SPATS2L: variants seen among roughly 807,000 people sequenced by gnomAD.
The protein encoded by SPATS2L is SPATS2-like protein.
In SPATS2L, 30 loss-of-function variants were observed where a neutral mutation model predicts 59.6. The observed-to-expected ratio is 0.50, with a 90% confidence interval of 0.38 to 0.68. The LOEUF (loss-of-function observed/expected upper bound fraction) is 0.68. SPATS2L is among the 30% of genes least tolerant of loss of function. SPATS2L has a pLI of 0.00. For synonymous variants in SPATS2L, 252 were observed against 263.5 expected, an observed-to-expected ratio of 0.96 and a Z score of 0.42; for missense variants, 615 against 700.0, an observed-to-expected ratio of 0.88 and a Z score of 1.37.
At chr2:200,362,723 C>T (rs1258966485) in intron 2 of SPATS2L, among the ~76,000 whole-genome samples, 1 of 152,086 alleles carries the variant, frequency 6.6e-6, no homozygotes, top group Non-Finnish European at 1.5e-5. Context: ...CTTTGTAGCG[C>T]CAGCCTAGCA....
At chr2:200,457,404 A>C (rs1003084683) in intron 8 of SPATS2L, among the ~76,000 whole-genome samples, 20 of 152,232 alleles carry the variant, frequency 1.3e-4, no homozygotes, top group African/African-American at 4.8e-4. Flanking sequence ...TGGAAATGCA[A>C]GAACTTGTCA....
At chr2:200,471,546 C>G (rs761056651) in intron 11 of SPATS2L, among the ~76,000 whole-genome samples, 2 of 152,250 alleles carry the variant, frequency 1.3e-5, no homozygotes, top group Admixed American at 6.5e-5. Context: ...AGACAGACAC[C>G]GTAATCATCC....
chr2:200,389,278 G>A lies in SPATS2L; in HGVS notation c.34G>A (p.Glu12Lys). 6.3e-7 allele frequency: 1 copy of A among 1,579,988 alleles called. No individual in the cohort carries two copies. Among genetic ancestry groups the A allele is most frequent in the Non-Finnish European group, 8.6e-7 (1 of 1,160,266 alleles). The change falls in exon 3 of 13, where the codon GAA (glutamate) becomes AAA (lysine). Residue 12 changes from glutamate to lysine, a missense_variant. Glu to Lys is a moderately conservative substitution (Grantham distance 56). Transcript: ENST00000409140. The part of the protein sequence containing the change: ...AELNTHVNVK[E>K]KIYAVRSVVP... ...ACTCAATACTCATGTGAATGTCAAG[G>A]AAAAGGTAAGATCAAGTTATACGTT...
At position 200,306,761 on chromosome 2, in the gene SPATS2L, G is replaced by C; in HGVS notation, c.-234G>C. The C allele has an allele frequency of 1.0e-6, 1 of 982,620 alleles. No homozygotes were observed. The allele number at this position is 982,620 out of a possible 1,614,324, so 60.9% of individuals were successfully genotyped here. On this transcript the variant is annotated 5_prime_UTR_variant, in exon 1 of 13. Coordinates refer to ENST00000409140, the MANE Select transcript of SPATS2L (RefSeq NM_001100423.2). ...GCGCCCTCCGCTGCAAGCGCCGGCAGCGCGGGGCGAGCTCCGGACGGCGCG... is the reference window on the plus strand; with the variant it reads ...GCGCCCTCCGCTGCAAGCGCCGGCACCGCGGGGCGAGCTCCGGACGGCGCG...
Position 200,319,799 on chromosome 2 carries a change from AG to A in SPATS2L, c.-72-9631del, listed in dbSNP as rs555772144. On this transcript the variant is annotated intron_variant, in intron 1 of 12. Transcript: ENST00000409140. ...CCTTTTTTCCTAACAACTGCTACAAAGCCAGGTCTCCTTTGTTCTTTACTTG... is the reference window on the plus strand; with the variant it reads ...CCTTTTTTCCTAACAACTGCTACAAACCAGGTCTCCTTTGTTCTTTACTTG... Among the ~76,000 whole-genome samples, 44 of 152,336 alleles carry A rather than the reference AG, an allele frequency of 2.9e-4. No homozygotes were observed. The East Asian group carries it at 8.5e-3, about 29-fold the overall frequency.
chr2:200,462,356 C>T (rs535312813), intron 9 of SPATS2L, among the ~76,000 whole-genome samples: 97 of 152,352 alleles, frequency 6.4e-4, no homozygotes, highest in Non-Finnish European at 1.1e-3. Context: ...TAAACACACG[C>T]GCTTCCTTGT....
intron 2 of SPATS2L, among the ~76,000 whole-genome samples, chr2:200,382,221 C>CA (rs2081840455): frequency 1.3e-5 from 2 of 152,240 alleles, no homozygotes; most frequent in South Asian, 4.1e-4. Flanking sequence ...ACTACAAACA[C>CA]ACGCCATCAT....
chr2:200,419,710 A>AT (rs3033399), intron 6 of SPATS2L, among the ~76,000 whole-genome samples: 46,091 of 131,640 alleles, frequency 0.35, 8,638 homozygotes, highest in Admixed American at 0.41. Context: ...AAGTCAGAGG[A>AT]TTTTTTTTTT....
intron 11 of SPATS2L, among the ~76,000 whole-genome samples, chr2:200,470,265 A>T (rs1234831392): frequency 6.6e-6 from 1 of 152,204 alleles, no homozygotes; most frequent in African/African-American, 2.4e-5. Flanking sequence ...CAACTAGTTG[A>T]TACCTTTTGC....
chr2:200,367,479 T>C (rs1255818921), intron 2 of SPATS2L, among the ~76,000 whole-genome samples: 4 of 152,172 alleles, frequency 2.6e-5, no homozygotes, highest in African/African-American at 9.7e-5. Flanking sequence ...TCAGTGAAAA[T>C]GATCTGATGA....
intron 8 of SPATS2L, among the ~76,000 whole-genome samples, chr2:200,448,677 A>G (rs1195352907): frequency 6.6e-6 from 1 of 152,194 alleles, no homozygotes; most frequent in Non-Finnish European, 1.5e-5. Context: ...CTCATCAAGT[A>G]GTTTTTCTAA....
In SPATS2L at chr2:200,341,691, A is replaced by ATTT. The variant is rs56132248; in HGVS notation, c.-23+12226_-23+12228dup. ...TAGAGGACAGGCAAAATTAACTATAATTTTTTTTTTTTTTTTTAGACAGAG... is the reference window on the plus strand; with the variant it reads ...TAGAGGACAGGCAAAATTAACTATAATTTTTTTTTTTTTTTTTTTTAGACAGAG... On this transcript the variant is annotated intron_variant, in intron 2 of 12. Coordinates refer to ENST00000409140, the MANE Select transcript of SPATS2L (RefSeq NM_001100423.2). 1.6e-4 allele frequency among the ~76,000 whole-genome samples: 23 copies of ATTT among 141,048 alleles called. 1 individual carries two copies. Among genetic ancestry groups the ATTT allele is most frequent in the Admixed American group, 8.4e-4 (12 of 14,206 alleles). The allele number at this position is 141,048 out of a possible 152,430, so 92.5% of individuals were successfully genotyped here. A position where few individuals can be genotyped will look rare whatever the true frequency, so the allele number is the denominator to read the frequency against.
chr2:200,309,895 C>T (rs941422124), intron 1 of SPATS2L, among the ~76,000 whole-genome samples: 4 of 152,138 alleles, frequency 2.6e-5, no homozygotes, highest in Non-Finnish European at 4.4e-5. Context: ...TCTGCAGAAG[C>T]TTATTCCTTC....
At chr2:200,362,035 T>C (rs2081124156) in intron 2 of SPATS2L, among the ~76,000 whole-genome samples, 1 of 150,858 alleles carries the variant, frequency 6.6e-6, no homozygotes. Flanking sequence ...AGCCCGGGAG[T>C]TCAAGACCAG....
chr2:200,383,951 T>A, intron 2 of SPATS2L: 1 of 1,002,232 alleles, frequency 1.0e-6, no homozygotes, highest in Non-Finnish European at 1.2e-6. Flanking sequence ...AGTGAAACTT[T>A]ATTACTGCCT....
At chr2:200,432,283 C>T (rs1048510890) in intron 6 of SPATS2L, among the ~76,000 whole-genome samples, 12 of 152,136 alleles carry the variant, frequency 7.9e-5, no homozygotes, top group African/African-American at 2.9e-4. Flanking sequence ...GATTGCCCTG[C>T]AGAAACTGGG....
chr2:200,351,287 G>A (rs1023754739), intron 2 of SPATS2L: 1 of 471,400 alleles, frequency 2.1e-6, no homozygotes, highest in African/African-American at 2.0e-5. Context: ...TTTTCTCCAA[G>A]CATGTAAGTA....
intron 2 of SPATS2L, among the ~76,000 whole-genome samples, chr2:200,355,586 A>G (rs971078849): frequency 6.6e-6 from 1 of 152,226 alleles, no homozygotes; most frequent in Non-Finnish European, 1.5e-5. Flanking sequence ...GCTGCTTTAC[A>G]GATGGTGAGA....
At chr2:200,413,493 A>T (rs1466704157) in intron 4 of SPATS2L, among the ~76,000 whole-genome samples, 1 of 152,190 alleles carries the variant, frequency 6.6e-6, no homozygotes, top group Non-Finnish European at 1.5e-5. Flanking sequence ...TTGAACAAAG[A>T]TCTCTTACTT....
Sources: allele counts gnomAD v4.1 joint callset (sites outside exome capture counted in the v4.1 genomes callset), GRCh38; gene constraint gnomAD v4.1.1; transcripts MANE v1.5; gene names NCBI Gene and HGNC (gene_info 2026-07-23, HGNC 2026-07-21).